TEX11: variants seen among roughly 807,000 people sequenced by gnomAD.
The protein encoded by TEX11 is testis-expressed protein 11.
TEX11 carries 7 observed loss-of-function variants against 84.4 expected under a neutral mutation model. The ratio of observed to expected loss-of-function variants is 0.08; its 90% CI spans 0.05 to 0.16. TEX11 has a LOEUF of 0.16. Among genes scored for constraint, TEX11 ranks in the 10% least tolerant of loss-of-function variants. The pLI is 1.00. For missense variants in TEX11, 551 were observed against 660.5 expected (o/e 0.83, Z 1.82); for synonymous variants, 264 against 222.8 (o/e 1.18, Z -1.64).
intron 9 of TEX11, among the ~76,000 whole-genome samples, chrX:70,753,319 C>T (rs922996490): frequency 9.0e-6 from 1 of 111,067 alleles, no homozygotes; most frequent in Non-Finnish European, 1.9e-5. Context: ...CTCAACAAGA[C>T]TCCAAAAGAG....
At chrX:70,607,931 T>G (rs16991195) in intron 22 of TEX11, among the ~76,000 whole-genome samples, 8,737 of 112,182 alleles carry the variant, frequency 0.078, 419 homozygotes, top group Admixed American at 0.25. Context: ...GAAGTCAGAT[T>G]GCAGTATTCA....
the TEX11 span, among the ~76,000 whole-genome samples, chrX:70,517,840 G>T: frequency 2.7e-5 from 3 of 111,210 alleles, no homozygotes; most frequent in Non-Finnish European, 3.8e-5. Context: ...TCTTCCTGGT[G>T]TAGTCTTGGG....
chrX:70,837,511 C>T (rs1368000679), intron 7 of TEX11, among the ~76,000 whole-genome samples: 2 of 110,521 alleles, frequency 1.8e-5, no homozygotes, highest in Non-Finnish European at 3.8e-5. Flanking sequence ...TGCAGTGAGC[C>T]GAGATCACGC....
intron 20 of TEX11, among the ~76,000 whole-genome samples, chrX:70,620,650 G>T (rs895536340): frequency 8.9e-6 from 1 of 112,310 alleles, no homozygotes; most frequent in Non-Finnish European, 1.9e-5. Flanking sequence ...ACCTGCACAT[G>T]AATGTTTACA....
intron 8 of TEX11, among the ~76,000 whole-genome samples, chrX:70,810,300 G>C (rs1475267879): frequency 8.9e-6 from 1 of 111,829 alleles, no homozygotes; most frequent in Non-Finnish European, 1.9e-5. Context: ...TGGGTATATA[G>C]CCAAAAGATT....
chrX:70,819,947 A>G (rs6525428), intron 8 of TEX11, among the ~76,000 whole-genome samples: 17,345 of 111,307 alleles, frequency 0.16, 1,861 homozygotes, highest in African/African-American at 0.34. Flanking sequence ...AATACATCCC[A>G]CATTCACAGA....
At chrX:70,819,461 A>G (rs1005076202) in intron 8 of TEX11, among the ~76,000 whole-genome samples, 14 of 111,548 alleles carry the variant, frequency 1.3e-4, no homozygotes, top group African/African-American at 4.2e-4. Flanking sequence ...ATAAATGAAA[A>G]GCCCACAGCT....
chrX:70,847,070 C>A (rs1467875318), intron 7 of TEX11, among the ~76,000 whole-genome samples: 1 of 111,466 alleles, frequency 9.0e-6, no homozygotes, highest in Non-Finnish European at 1.9e-5. Flanking sequence ...CTAGTAGTTC[C>A]TCTAAGATGG....
chrX:70,728,810 C>G (rs7889544), intron 11 of TEX11, among the ~76,000 whole-genome samples: 15,052 of 87,765 alleles, frequency 0.17, 1,375 homozygotes, highest in African/African-American at 0.26. Flanking sequence ...GCTTTGAAGA[C>G]AGTAGTGGTT....
chrX:70,714,097 C>T lies in TEX11; in HGVS notation c.1004+8521G>A, dbSNP rs185545619. On this transcript the variant is annotated intron_variant, in intron 13 of 29. Transcript: ENST00000374333. Reference sequence around the variant, plus strand: ...GTTGTTCAGTTTCTGTGTAGTTGAGCGGTTTTGAGTGAGTTTCTTAATCCT... The same window carrying T: ...GTTGTTCAGTTTCTGTGTAGTTGAGTGGTTTTGAGTGAGTTTCTTAATCCT... Among the ~76,000 whole-genome samples the T allele has an allele frequency of 8.6e-3, 959 of 111,407 alleles. 12 individuals are homozygous for T. Among genetic ancestry groups the T allele is most frequent in the African/African-American group, 0.03 (916 of 30,643 alleles).
chrX:70,670,248 C>T, intron 16 of TEX11, 129 bp downstream of exon 16: 1 of 689,093 alleles, frequency 1.5e-6, no homozygotes, highest in East Asian at 3.6e-5. Flanking sequence ...GTCAATTTGA[C>T]CTTGTTCTAT....
chrX:70,613,140 T>C (rs1168184135), intron 20 of TEX11, among the ~76,000 whole-genome samples: 1 of 111,688 alleles, frequency 9.0e-6, no homozygotes, highest in East Asian at 2.8e-4. Flanking sequence ...AGCAAGATTA[T>C]GGAACAGAAG....
chrX:70,895,722 T>A (rs1410193366), intron 2 of TEX11, among the ~76,000 whole-genome samples: 2 of 111,381 alleles, frequency 1.8e-5, no homozygotes, highest in Non-Finnish European at 3.8e-5. Context: ...ACACCACACA[T>A]CTACAACCAT....
intron 2 of TEX11, among the ~76,000 whole-genome samples, chrX:70,906,199 T>C (rs1472916717): frequency 2.1e-5 from 2 of 94,544 alleles, no homozygotes; most frequent in Non-Finnish European, 4.2e-5. Flanking sequence ...ATAAAATAAC[T>C]ATTTATATAA....
chrX:70,846,810 G>A (rs1279806006), intron 7 of TEX11, among the ~76,000 whole-genome samples: 1 of 111,475 alleles, frequency 9.0e-6, no homozygotes, highest in Non-Finnish European at 1.9e-5. Context: ...TGTAATCCCA[G>A]CTACTCTGGA....
chrX:70,750,080 AAAAC>A (rs1275994390), intron 9 of TEX11, among the ~76,000 whole-genome samples: 1 of 111,596 alleles, frequency 9.0e-6, no homozygotes, highest in Non-Finnish European at 1.9e-5. Flanking sequence ...TTACAAGAAA[AAAAC>A]AAACAACCCC....
intron 24 of TEX11, among the ~76,000 whole-genome samples, chrX:70,605,103 A>T (rs752151199): frequency 9.8e-5 from 11 of 112,057 alleles, no homozygotes; most frequent in African/African-American, 3.6e-4. Flanking sequence ...CCAAACGCGT[A>T]TATAATCACA....
chrX:70,724,092 T>C, intron 12 of TEX11: 1 of 753,287 alleles, frequency 1.3e-6, no homozygotes, highest in South Asian at 6.8e-5. Flanking sequence ...ATAAACACTG[T>C]CATAAGGAAT....
intron 27 of TEX11, 71 bp downstream of exon 27, chrX:70,553,235 C>T (rs1164180907): frequency 7.4e-6 from 5 of 673,450 alleles, no homozygotes; most frequent in Middle Eastern, 4.0e-4. Context: ...CAATTAAGAA[C>T]GATTGGTTAC....
Sources: allele counts gnomAD v4.1 joint callset (sites outside exome capture counted in the v4.1 genomes callset), GRCh38; gene constraint gnomAD v4.1.1; transcripts MANE v1.5; gene names NCBI Gene and HGNC (gene_info 2026-07-23, HGNC 2026-07-21).